Variants in CELF2 observed in about 807,000 individuals in gnomAD.
The protein encoded by CELF2 is CUG triplet repeat RNA-binding protein 2.
CELF2 carries 8 observed loss-of-function variants against 62.6 expected under a neutral mutation model. That is an observed-to-expected ratio of 0.13 (90% CI 0.07 to 0.23). CELF2 has a LOEUF of 0.23. Ranked by LOEUF, CELF2 falls within the 10% of genes least tolerant of loss-of-function variation. CELF2 has a pLI of 1.00. For missense variants in CELF2, 333 were observed against 671.0 expected, an observed-to-expected ratio of 0.50 and a Z score of 5.56; for synonymous variants, 258 against 250.0, an observed-to-expected ratio of 1.03 and a Z score of -0.30.
At chr10:11,282,516 C>T (rs959063604) in intron 8 of CELF2, among the ~76,000 whole-genome samples, 7 of 152,214 alleles carry the variant, frequency 4.6e-5, no homozygotes, top group Non-Finnish European at 2.9e-5. Context: ...GCCTGGCACG[C>T]GCTTTGTTCT....
chr10:10,856,203 A>G (rs2059696346), intron 1 of CELF2, among the ~76,000 whole-genome samples: 1 of 152,172 alleles, frequency 6.6e-6, no homozygotes. Context: ...TTTAATCCTG[A>G]CACTAACTCT....
At chr10:10,862,464 A>G (rs570205105) in intron 1 of CELF2, among the ~76,000 whole-genome samples, 2 of 152,298 alleles carry the variant, frequency 1.3e-5, no homozygotes, top group South Asian at 2.1e-4. Context: ...GGACTTTCCA[A>G]TAGGACCACT....
chr10:10,642,268 C>T, the CELF2 span, among the ~76,000 whole-genome samples: 1 of 152,212 alleles, frequency 6.6e-6, no homozygotes, highest in Non-Finnish European at 1.5e-5. Flanking sequence ...TAGTTTGTCA[C>T]TGTAGTGGTA....
intron 2 of CELF2, among the ~76,000 whole-genome samples, chr10:10,982,286 A>C (rs1301979333): frequency 1.3e-5 from 2 of 151,976 alleles, no homozygotes; most frequent in Non-Finnish European, 1.5e-5. Context: ...AGGCCCATAC[A>C]ATCAAAATCC....
intron 1 of CELF2, among the ~76,000 whole-genome samples, chr10:11,060,418 A>G (rs1158420102): frequency 3.3e-5 from 5 of 152,170 alleles, no homozygotes; most frequent in African/African-American, 1.2e-4. Context: ...AATTACAGGA[A>G]AAGTGTAATT....
intron 1 of CELF2, among the ~76,000 whole-genome samples, chr10:10,844,850 A>G (rs2058911639): frequency 6.6e-6 from 1 of 152,108 alleles, no homozygotes; most frequent in Non-Finnish European, 1.5e-5. Context: ...AAACTCAGGA[A>G]AGAATGTCTG....
intron 1 of CELF2, among the ~76,000 whole-genome samples, chr10:11,021,126 T>A (rs2058252193): frequency 6.6e-6 from 1 of 152,176 alleles, no homozygotes; most frequent in African/African-American, 2.4e-5. Context: ...TACATGCATT[T>A]AGGGTTTGTA....
chr10:10,530,277 G>T, the CELF2 span, among the ~76,000 whole-genome samples: 2 of 152,198 alleles, frequency 1.3e-5, no homozygotes, highest in Non-Finnish European at 2.9e-5. Context: ...AGGATAAAAA[G>T]ATTGTGAGGA....
chr10:10,492,000 C>T, the CELF2 span, among the ~76,000 whole-genome samples: 1 of 152,102 alleles, frequency 6.6e-6, no homozygotes, highest in Non-Finnish European at 1.5e-5. Context: ...ACCCCTCTTC[C>T]TCCCGTCCTC....
the CELF2 span, among the ~76,000 whole-genome samples, chr10:10,765,062 G>T: frequency 6.6e-6 from 1 of 152,162 alleles, no homozygotes; most frequent in South Asian, 2.1e-4. Context: ...ACCACCTTTG[G>T]GGGTGGAGGG....
At chr10:11,196,085 A>G (rs1019930352) in intron 2 of CELF2, among the ~76,000 whole-genome samples, 8 of 151,908 alleles carry the variant, frequency 5.3e-5, no homozygotes, top group Non-Finnish European at 1.0e-4. Context: ...TTGCATTTGC[A>G]TATAGTTTGA....
At position 11,165,242 on chromosome 10, in the gene CELF2, C is replaced by G. The variant is rs2133337682; in HGVS notation, c.75-244C>G. ...GCCCTGGGTGACAGGCGGCAGGGCG[C>G]TGCCCCGTGCTCCCCCGGCTCTGCT... On this transcript the variant is annotated intron_variant, in intron 1 of 12. Coordinates refer to ENST00000633077, the MANE Select transcript of CELF2 (RefSeq NM_001326342.2). The surrounding 1 kb of genome is among the most constrained non-coding windows in gnomAD (Gnocchi z 7.4). 3 of 1,347,420 alleles carry G rather than the reference C, an allele frequency of 2.2e-6. No individual in the cohort carries two copies. In the East Asian group the frequency reaches 9.3e-5, roughly 42 times the overall value. The allele number at this position is 1,347,420 out of a possible 1,614,324, so 83.5% of individuals were successfully genotyped here.
At chr10:11,213,956 T>TG (rs1309655829) in intron 2 of CELF2, among the ~76,000 whole-genome samples, 1 of 152,100 alleles carries the variant, frequency 6.6e-6, no homozygotes, top group Non-Finnish European at 1.5e-5. Context: ...CCTAGTTTCG[T>TG]GGGGGGATAT....
chr10:10,641,584 G>A, the CELF2 span, among the ~76,000 whole-genome samples: 1 of 152,068 alleles, frequency 6.6e-6, no homozygotes, highest in South Asian at 2.1e-4. Flanking sequence ...GGGATTACAG[G>A]AGACCGCCAC....
chr10:11,069,628 T>C (rs2069182513), intron 1 of CELF2, among the ~76,000 whole-genome samples: 1 of 152,210 alleles, frequency 6.6e-6, no homozygotes, highest in African/African-American at 2.4e-5. Context: ...TCATATGGTT[T>C]TTATAAGTGG....
chr10:11,234,174 A>G (rs1407870003), intron 3 of CELF2, among the ~76,000 whole-genome samples: 3 of 152,210 alleles, frequency 2.0e-5, no homozygotes, highest in African/African-American at 7.2e-5. Flanking sequence ...ACTGTGTCAC[A>G]TGGTTCAATT....
At chr10:10,717,808 A>G in the CELF2 span, among the ~76,000 whole-genome samples, 1 of 152,070 alleles carries the variant, frequency 6.6e-6, no homozygotes, top group Non-Finnish European at 1.5e-5. Context: ...ACTTCTCCCT[A>G]CTTCTTTCAA....
chr10:10,589,237 A>G, the CELF2 span, among the ~76,000 whole-genome samples: 1 of 152,338 alleles, frequency 6.6e-6, no homozygotes, highest in South Asian at 2.1e-4. Flanking sequence ...CCTGGAATCA[A>G]TAGAAAGGAA....
rs752077459 is a variant in CELF2 at position 11,223,773 on chromosome 10, G to T, written c.354+6266G>T. Among the ~76,000 whole-genome samples, 5 of 152,180 alleles carry T rather than the reference G, an allele frequency of 3.3e-5. No homozygotes were observed. The highest frequency in any genetic ancestry group is 5.9e-5 in the Non-Finnish European group (4 of 68,012). ...GCAACAGGATGGCTCCCAGCTGAGC[G>T]GTATAGATCCAGGAGAGGATATCGG... On this transcript the variant is annotated intron_variant, in intron 3 of 12. Coordinates refer to ENST00000633077, the MANE Select transcript of CELF2 (RefSeq NM_001326342.2). This position sits in a 1 kb window ranked among gnomAD's most constrained non-coding sequence, Gnocchi z 5.1.
Sources: allele counts gnomAD v4.1 joint callset (sites outside exome capture counted in the v4.1 genomes callset), GRCh38; gene constraint gnomAD v4.1.1; non-coding constraint Gnocchi (gnomAD v3.1); transcripts MANE v1.5; gene names NCBI Gene and HGNC (gene_info 2026-07-23, HGNC 2026-07-21).